FAM107B: variants seen among roughly 807,000 people sequenced by gnomAD.
FAM107B encodes the protein protein FAM107B.
Under a neutral mutation model 31.5 loss-of-function variants are expected in FAM107B, and 21 were observed. The observed-to-expected ratio is 0.67, with a 90% CI of 0.47 to 0.96. FAM107B has a LOEUF of 0.96. Among genes scored for constraint, FAM107B ranks in the 40% least tolerant of loss-of-function variants. FAM107B has a pLI of 0.00. For synonymous variants in FAM107B, 157 were observed against 141.5 expected, an observed-to-expected ratio of 1.11 and a Z score of -0.78; for missense variants, 452 against 377.1, an observed-to-expected ratio of 1.20 and a Z score of -1.64.
chr10:14,719,324 C>T (rs75163206), intron 1 of FAM107B, among the ~76,000 whole-genome samples: 177 of 152,250 alleles, frequency 1.2e-3, no homozygotes, highest in Non-Finnish European at 1.6e-3. Flanking sequence ...GGCCTGTCCT[C>T]GGGGAAGAGA....
chr10:14,531,486 A>C (rs1390126939), intron 2 of FAM107B, among the ~76,000 whole-genome samples: 1 of 148,924 alleles, frequency 6.7e-6, no homozygotes, highest in Non-Finnish European at 1.5e-5. Flanking sequence ...GCACCACCGC[A>C]CTCCAGCCTG....
At chr10:14,704,388 A>G (rs1201854248) in intron 1 of FAM107B, among the ~76,000 whole-genome samples, 2 of 152,102 alleles carry the variant, frequency 1.3e-5, no homozygotes, top group African/African-American at 2.4e-5. Flanking sequence ...GCTAAGTGTC[A>G]CAGAAGAATC....
intron 1 of FAM107B, among the ~76,000 whole-genome samples, chr10:14,676,812 G>C (rs1854693642): frequency 1.3e-5 from 2 of 152,204 alleles, no homozygotes; most frequent in South Asian, 4.1e-4. Context: ...GCTGTGATGT[G>C]GCACCTGAAA....
At chr10:14,677,502 TC>T (rs1854714651) in intron 1 of FAM107B, among the ~76,000 whole-genome samples, 1 of 151,924 alleles carries the variant, frequency 6.6e-6, no homozygotes, top group African/African-American at 2.4e-5. Flanking sequence ...GCGCCTGTAG[TC>T]CCAGCTACTC....
At chr10:14,524,993 A>G (rs889008090) in intron 3 of FAM107B, among the ~76,000 whole-genome samples, 15 of 152,238 alleles carry the variant, frequency 9.9e-5, no homozygotes, top group Non-Finnish European at 1.6e-4. Context: ...AAAATTCAGG[A>G]AAATGGTGCT....
intron 2 of FAM107B, among the ~76,000 whole-genome samples, chr10:14,531,044 GA>G (rs1171450794): frequency 6.6e-6 from 1 of 152,140 alleles, no homozygotes; most frequent in African/African-American, 2.4e-5. Context: ...ACAAAGACGG[GA>G]TGGAATCAGT....
chr10:14,619,661 G>C (rs1227528728), intron 2 of FAM107B, among the ~76,000 whole-genome samples: 2 of 129,952 alleles, frequency 1.5e-5, no homozygotes, highest in Non-Finnish European at 1.6e-5. Flanking sequence ...AAATTTGAAG[G>C]CTTATTTATC....
Position 14,616,101 on chromosome 10 carries a change from T to C in FAM107B, c.469+51533A>G, listed in dbSNP as rs560311690. On this transcript the variant is annotated intron_variant, in intron 2 of 4. Transcript: ENST00000181796. ...TTGGATATGTCCCTGCTATGTTAAA[T>C]AAAGAGCCTTAAGGACAGTGGCTTT... is the stretch of plus-strand genomic sequence containing the variant. 1.3e-3 allele frequency among the ~76,000 whole-genome samples: 205 copies of C among 152,306 alleles called. 6 individuals carry two copies. The South Asian group carries it at 0.041, about 30-fold the overall frequency.
At chr10:14,564,701 G>C (rs1157108954) in intron 2 of FAM107B, among the ~76,000 whole-genome samples, 2 of 152,026 alleles carry the variant, frequency 1.3e-5, no homozygotes, top group Non-Finnish European at 2.9e-5. Context: ...CCTTCCACCT[G>C]TTAGTGCCCA....
At chr10:14,711,421 T>C (rs1417762797) in intron 1 of FAM107B, among the ~76,000 whole-genome samples, 2 of 152,208 alleles carry the variant, frequency 1.3e-5, no homozygotes, top group African/African-American at 4.8e-5. Context: ...ACTGTACCTT[T>C]TCTTACGTTT....
intron 1 of FAM107B, among the ~76,000 whole-genome samples, chr10:14,708,245 T>A (rs1467335816): frequency 6.6e-6 from 1 of 151,644 alleles, no homozygotes; most frequent in African/African-American, 2.4e-5. Context: ...ACCTGGCTAA[T>A]TTTTTTTTAA....
intron 2 of FAM107B, among the ~76,000 whole-genome samples, chr10:14,565,277 T>A (rs1850565141): frequency 6.6e-6 from 1 of 152,014 alleles, no homozygotes; most frequent in Non-Finnish European, 1.5e-5. Flanking sequence ...GTGCTGGGTT[T>A]TAACAGAGGA....
At chr10:14,584,660 G>A (rs1056256386) in intron 2 of FAM107B, among the ~76,000 whole-genome samples, 1 of 152,220 alleles carries the variant, frequency 6.6e-6, no homozygotes, top group Non-Finnish European at 1.5e-5. Context: ...TGAGGCAGGA[G>A]AATAGGGGCT....
chr10:14,610,703 G>T (rs1423404156), intron 2 of FAM107B, among the ~76,000 whole-genome samples: 1 of 152,218 alleles, frequency 6.6e-6, no homozygotes, highest in African/African-American at 2.4e-5. Flanking sequence ...ATGAGCATTT[G>T]TGATCACAGG....
chr10:14,698,156 G>T (rs1855310660), intron 1 of FAM107B, among the ~76,000 whole-genome samples: 1 of 151,704 alleles, frequency 6.6e-6, no homozygotes, highest in African/African-American at 2.4e-5. Flanking sequence ...TCAACACCAA[G>T]ATTTAAAATA....
chr10:14,530,482 G>C lies in FAM107B; in HGVS notation c.503C>G (p.Ser168Ter). ...SPPEDIDHKD[S>*]YLITRSIMAE... Reference sequence around the variant, plus strand: ...CATGATGCTTCTTGTAATGAGATATGAGTCCTTATGGTCAATATCCTCAGG... The same window carrying C: ...CATGATGCTTCTTGTAATGAGATATCAGTCCTTATGGTCAATATCCTCAGG... Residue 168 changes from serine (S) to a stop codon, truncating the protein, a stop_gained, in exon 3 of 5, where the codon TCA becomes TGA. Transcript: ENST00000181796. LOFTEE classifies it high-confidence loss of function. 6.2e-7 allele frequency: 1 copy of C among 1,613,844 alleles called. No individual in the cohort carries two copies. Among genetic ancestry groups the C allele is most frequent in the Admixed American group, 1.7e-5 (1 of 59,984 alleles).
intron 1 of FAM107B, among the ~76,000 whole-genome samples, chr10:14,748,145 C>T (rs1330281858): frequency 1.3e-5 from 2 of 152,188 alleles, no homozygotes; most frequent in Non-Finnish European, 2.9e-5. Flanking sequence ...TCTATTTTAG[C>T]AACTAGATTG....
intron 1 of FAM107B, among the ~76,000 whole-genome samples, chr10:14,699,154 G>C (rs1034494916): frequency 3.9e-5 from 6 of 152,180 alleles, no homozygotes; most frequent in Admixed American, 1.3e-4. Flanking sequence ...TGTAGAGAAG[G>C]AAATTGTGGA....
chr10:14,691,450 CG>C (rs1192686714), intron 1 of FAM107B, among the ~76,000 whole-genome samples: 1 of 152,176 alleles, frequency 6.6e-6, no homozygotes, highest in African/African-American at 2.4e-5. Context: ...GCTGCTGCTT[CG>C]GGGTCGAAAC....
Sources: allele counts gnomAD v4.1 joint callset (sites outside exome capture counted in the v4.1 genomes callset), GRCh38; gene constraint gnomAD v4.1.1; transcripts MANE v1.5; gene names NCBI Gene and HGNC (gene_info 2026-07-23, HGNC 2026-07-21).